The following ICA1L variants were observed in gnomAD, a reference collection of about 807,000 sequenced individuals.
ICA1L encodes islet cell autoantigen 1 like.
ICA1L carries 50 observed loss-of-function variants against 61.3 expected under a neutral mutation model. The ratio of observed to expected loss-of-function variants is 0.82; its 90% confidence interval spans 0.65 to 1.03. The LOEUF (loss-of-function observed/expected upper bound fraction) is 1.03. Among genes scored for constraint, ICA1L ranks in the 50% least tolerant of loss-of-function variants. ICA1L has a pLI of 0.00. For synonymous variants in ICA1L, 161 were observed against 191.3 expected, an observed-to-expected ratio of 0.84 and a Z score of 1.31; for missense variants, 508 against 556.7, an observed-to-expected ratio of 0.91 and a Z score of 0.88.
At position 202,773,982 on chromosome 2, in the gene ICA1L, G is replaced by A. The variant is rs1274612554; in HGVS notation, c.*5551C>T. The A allele has an allele frequency of 4.3e-6, 4 of 938,836 alleles. No individual in the cohort carries two copies. In the East Asian group the frequency reaches 1.0e-4, roughly 24 times the overall value. 58.2% of individuals were successfully genotyped at this position (938,836 alleles called of 1,614,324 possible). A position where few individuals can be genotyped will look rare whatever the true frequency, so the allele number is the denominator to read the frequency against. On this transcript the variant is annotated 3_prime_UTR_variant, in exon 13 of 13. Coordinates refer to ENST00000358299, the MANE Select transcript of ICA1L (RefSeq NM_001288622.3). The stretch of plus-strand genomic sequence containing the variant: ...TGCCACTGTGTTTTAAAAGGTATAT[G>A]GTACTAAGAAGAGTTGGCTGTTTTA...
chr2:202,789,571 C>A (rs1042607080), intron 10 of ICA1L, among the ~76,000 whole-genome samples: 6 of 152,110 alleles, frequency 3.9e-5, no homozygotes, highest in African/African-American at 4.8e-5. Context: ...CACACACACA[C>A]AAAAATTGTG....
chr2:202,858,326 A>G (rs755288175), intron 1 of ICA1L, among the ~76,000 whole-genome samples: 22 of 152,370 alleles, frequency 1.4e-4, no homozygotes, highest in Middle Eastern at 6.8e-3. Flanking sequence ...TTGCAGGGAC[A>G]TGGATGAAGC....
chr2:202,836,399 T>C (rs1694150033), intron 1 of ICA1L, among the ~76,000 whole-genome samples: 1 of 152,226 alleles, frequency 6.6e-6, no homozygotes, highest in South Asian at 2.1e-4. Flanking sequence ...AATGTGCTGT[T>C]GAATTTGGTT....
At chr2:202,853,427 C>A (rs545320099) in intron 1 of ICA1L, among the ~76,000 whole-genome samples, 1 of 151,428 alleles carries the variant, frequency 6.6e-6, no homozygotes, top group South Asian at 2.1e-4. Context: ...CTAGGCCATA[C>A]CATTCAGGAC....
chr2:202,795,590 C>T (rs1692901064), intron 10 of ICA1L, among the ~76,000 whole-genome samples: 1 of 150,130 alleles, frequency 6.7e-6, no homozygotes, highest in African/African-American at 2.5e-5. Flanking sequence ...GGCGAAACTC[C>T]ATCTCAAAAA....
intron 1 of ICA1L, among the ~76,000 whole-genome samples, chr2:202,829,864 A>G (rs910737063): frequency 6.6e-6 from 1 of 152,254 alleles, no homozygotes; most frequent in Non-Finnish European, 1.5e-5. Context: ...ATAAACTTGT[A>G]CATACATCTT....
chr2:202,830,481 G>T (rs142351647), intron 1 of ICA1L, among the ~76,000 whole-genome samples: 1 of 152,148 alleles, frequency 6.6e-6, no homozygotes, highest in Non-Finnish European at 1.5e-5. Context: ...ATAAGGAAAT[G>T]CAGAGTGAAA....
At position 202,779,336 on chromosome 2, in the gene ICA1L, C is replaced by T; in HGVS notation, c.*197G>A. ...TCTAATATTTTCCACATAGTACCAACAGCTGCAAATCCAAGATATGAAAGA... is the reference window on the plus strand; with the variant it reads ...TCTAATATTTTCCACATAGTACCAATAGCTGCAAATCCAAGATATGAAAGA... On this transcript the variant is annotated 3_prime_UTR_variant, in exon 13 of 13. Transcript: ENST00000358299. 1 of 438,992 alleles carries T rather than the reference C, an allele frequency of 2.3e-6. No homozygotes were observed. Among genetic ancestry groups the T allele is most frequent in the South Asian group, 7.0e-5 (1 of 14,252 alleles). The allele number at this position is 438,992 out of a possible 1,614,324, so 27.2% of individuals were successfully genotyped here. A position where few individuals can be genotyped will look rare whatever the true frequency, so the allele number is the denominator to read the frequency against.
intron 12 of ICA1L, among the ~76,000 whole-genome samples, chr2:202,783,865 CTA>C (rs1270873978): frequency 6.7e-6 from 1 of 148,554 alleles, no homozygotes; most frequent in Non-Finnish European, 1.5e-5. Flanking sequence ...GCTACTTAAA[CTA>C]TTTATTTCAG....
At chr2:202,846,852 T>C (rs996358155) in intron 1 of ICA1L, among the ~76,000 whole-genome samples, 2 of 152,214 alleles carry the variant, frequency 1.3e-5, no homozygotes, top group African/African-American at 4.8e-5. Context: ...ATCTGAGAAG[T>C]TAAAATAGTT....
At chr2:202,800,623 A>G (rs1309699788) in intron 9 of ICA1L, among the ~76,000 whole-genome samples, 4 of 152,158 alleles carry the variant, frequency 2.6e-5, no homozygotes, top group Admixed American at 1.3e-4. Flanking sequence ...AACATCTTCA[A>G]CTATTATGAG....
chr2:202,823,521 G>A (rs1693754346), intron 3 of ICA1L, among the ~76,000 whole-genome samples: 1 of 152,084 alleles, frequency 6.6e-6, no homozygotes, highest in African/African-American at 2.4e-5. Context: ...TCCAGTGATT[G>A]TGATATATTT....
Position 202,814,753 on chromosome 2 carries a change from T to C in ICA1L, c.815A>G (p.Glu272Gly), listed in dbSNP as rs145973954. 3 of 1,613,900 alleles carry C rather than the reference T, an allele frequency of 1.9e-6. No individual in the cohort carries two copies. The highest frequency in any genetic ancestry group is 2.5e-6 in the Non-Finnish European group (3 of 1,179,848). Residue 272 changes from glutamate (E) to glycine (G), a missense_variant, in exon 8 of 13, where the codon GAA (glutamate) becomes GGA (glycine). Physicochemically the swap from Glu to Gly is moderately conservative, Grantham distance 98 (BLOSUM62 -2). Coordinates refer to ENST00000358299, the MANE Select transcript of ICA1L (RefSeq NM_001288622.3). Reference sequence around the variant, plus strand: ...GCCTATTTGTTCATCTTTATTGTCTTCACTAATCTTGCTTGGCGTGTCTTG... The same window carrying C: ...GCCTATTTGTTCATCTTTATTGTCTCCACTAATCTTGCTTGGCGTGTCTTG... ...QLQDTPSKIS[E>G]DNKDEQIGGF...
At chr2:202,830,057 G>A (rs1395934415) in intron 1 of ICA1L, among the ~76,000 whole-genome samples, 1 of 152,182 alleles carries the variant, frequency 6.6e-6, no homozygotes, top group Non-Finnish European at 1.5e-5. Flanking sequence ...GGGAAGATAT[G>A]TTATAAAAGA....
At position 202,777,764 on chromosome 2, in the gene ICA1L, A is replaced by G. The variant is rs931712784; in HGVS notation, c.*1769T>C. The G allele has an allele frequency of 2.0e-5, 3 of 152,146 alleles. No individual in the cohort carries two copies. The highest frequency in any genetic ancestry group is 7.2e-5 in the African/African-American group (3 of 41,408). The allele number at this position is 152,146 out of a possible 1,614,324, so 9.4% of individuals were successfully genotyped here. On this transcript the variant is annotated 3_prime_UTR_variant, in exon 13 of 13. Coordinates refer to ENST00000358299, the MANE Select transcript of ICA1L (RefSeq NM_001288622.3). ...ACTGCATTTTACCTACTCTGGTCCA[A>G]TGTTTTCTATGTACCATGACAAACA...
chr2:202,800,237 T>C (rs1267976465), intron 9 of ICA1L, among the ~76,000 whole-genome samples: 1 of 152,118 alleles, frequency 6.6e-6, no homozygotes, highest in Non-Finnish European at 1.5e-5. Flanking sequence ...TCCACATTTT[T>C]CACTTAAACT....
intron 5 of ICA1L, among the ~76,000 whole-genome samples, 172 bp from the exon 6 acceptor site, chr2:202,817,715 T>C (rs2105848876): frequency 6.6e-6 from 1 of 152,292 alleles, no homozygotes; most frequent in East Asian, 1.9e-4. Flanking sequence ...TGATGAAGAT[T>C]TTGCTACTGT....
In ICA1L at chr2:202,779,550, C is replaced by T; in HGVS notation, c.1432G>A (p.Glu478Lys). The T allele has an allele frequency of 6.2e-7, 1 of 1,604,974 alleles. No individual in the cohort carries two copies. Among genetic ancestry groups the T allele is most frequent in the Non-Finnish European group, 8.5e-7 (1 of 1,173,268 alleles). Residue 478 changes from glutamate to lysine, a missense_variant, in exon 13 of 13, where the codon GAA becomes AAA. Coordinates refer to ENST00000358299, the MANE Select transcript of ICA1L (RefSeq NM_001288622.3). ...NPDAIGHSDDELLNA is the reference protein window; with the variant it reads ...NPDAIGHSDDKLLNA ...AACTTCAGTCAAGCATTAAGAAGTT[C>T]ATCATCTGAGTGTCCAATAGCATCT...
chr2:202,820,051 G>T lies in ICA1L; in HGVS notation c.360-152C>A. On this transcript the variant is annotated intron_variant, in intron 4 of 12. Transcript: ENST00000358299. ...CTAAGGAGATTTTGAAAGCAAATAA[G>T]GATCATATAGCCAACTCTGAATTAT... 6 of 633,260 alleles carry T rather than the reference G, an allele frequency of 9.5e-6. No homozygotes were observed. The South Asian group carries it at 1.2e-4, about 12-fold the overall frequency. The allele number at this position is 633,260 out of a possible 1,614,324, so 39.2% of individuals were successfully genotyped here.
Sources: allele counts gnomAD v4.1 joint callset (sites outside exome capture counted in the v4.1 genomes callset), GRCh38; gene constraint gnomAD v4.1.1; transcripts MANE v1.5; gene names NCBI Gene and HGNC (gene_info 2026-07-23, HGNC 2026-07-21).